The following GRID1 variants were observed in gnomAD, a reference collection of about 807,000 sequenced individuals.
GRID1 encodes the protein glutamate ionotropic receptor delta type subunit 1.
A neutral mutation model predicts 98.0 loss-of-function variants in GRID1; 28 were observed. That is an observed-to-expected ratio of 0.29 (90% confidence interval 0.21 to 0.39). The LOEUF (loss-of-function observed/expected upper bound fraction) is 0.39, where lower values mean the gene tolerates loss of function less well. Ranked by LOEUF, GRID1 falls within the 10% of genes least tolerant of loss-of-function variation. The pLI is 1.00. For synonymous variants in GRID1, 553 were observed against 538.5 expected (o/e 1.03, Z -0.37); for missense variants, 1,111 against 1,340.5 (o/e 0.83, Z 2.67).
chr10:85,619,190 C>G (rs1842828486), intron 14 of GRID1, among the ~76,000 whole-genome samples: 1 of 152,220 alleles, frequency 6.6e-6, no homozygotes, highest in Non-Finnish European at 1.5e-5. Flanking sequence ...TGCAGGCTGA[C>G]TACTGGACAA....
intron 2 of GRID1, among the ~76,000 whole-genome samples, chr10:86,315,062 G>A (rs533455796): frequency 1.1e-4 from 17 of 152,136 alleles, no homozygotes; most frequent in Non-Finnish European, 2.5e-4. Context: ...GTTCAGAGCC[G>A]CCCTGCTTCC....
At chr10:85,705,544 T>C (rs1841506165) in intron 12 of GRID1, among the ~76,000 whole-genome samples, 1 of 152,218 alleles carries the variant, frequency 6.6e-6, no homozygotes, top group African/African-American at 2.4e-5. Context: ...GAGGAGCTGG[T>C]ACCATTCCTT....
intron 2 of GRID1, among the ~76,000 whole-genome samples, chr10:86,241,946 A>C (rs529813306): frequency 2.0e-5 from 3 of 152,356 alleles, no homozygotes; most frequent in African/African-American, 7.2e-5. Context: ...GGATGCAAGG[A>C]TCGAGCTTCA....
intron 8 of GRID1, among the ~76,000 whole-genome samples, chr10:85,769,409 G>T (rs987487112): frequency 6.6e-6 from 1 of 152,226 alleles, no homozygotes; most frequent in African/African-American, 2.4e-5. Flanking sequence ...CAGAAGACGG[G>T]TGATTTCTGC....
chr10:86,279,396 C>A (rs1847322490), intron 2 of GRID1, among the ~76,000 whole-genome samples: 1 of 152,178 alleles, frequency 6.6e-6, no homozygotes, highest in Non-Finnish European at 1.5e-5. Flanking sequence ...TTTAGCAAAT[C>A]AAATCCAACA....
At chr10:86,178,191 A>G (rs1317783727) in intron 3 of GRID1, among the ~76,000 whole-genome samples, 1 of 152,208 alleles carries the variant, frequency 6.6e-6, no homozygotes, top group Non-Finnish European at 1.5e-5. Flanking sequence ...AACTCACCAG[A>G]AACCAGGTCA....
chr10:85,775,876 G>A (rs1368905907), intron 8 of GRID1, among the ~76,000 whole-genome samples: 1 of 152,150 alleles, frequency 6.6e-6, no homozygotes, highest in Non-Finnish European at 1.5e-5. Context: ...CTCTTTGTGG[G>A]TGGGGAGCAG....
chr10:86,162,232 G>A (rs1033483311), intron 3 of GRID1, among the ~76,000 whole-genome samples: 22 of 152,128 alleles, frequency 1.4e-4, no homozygotes, highest in Non-Finnish European at 2.9e-4. Context: ...GGCCCAGGGA[G>A]GAAAAAGGGA....
At chr10:86,065,573 T>C (rs1467246666) in intron 4 of GRID1, among the ~76,000 whole-genome samples, 1 of 152,256 alleles carries the variant, frequency 6.6e-6, no homozygotes, top group African/African-American at 2.4e-5. Context: ...GTGGGATCTT[T>C]TGGGGCAGGA....
At chr10:86,066,991 G>A (rs1843728560) in intron 4 of GRID1, among the ~76,000 whole-genome samples, 1 of 152,184 alleles carries the variant, frequency 6.6e-6, no homozygotes, top group Admixed American at 6.5e-5. Context: ...CTCCAGATAG[G>A]ACTCACCTAT....
intron 1 of GRID1, 115 bp from the exon 2 acceptor site, chr10:86,364,211 A>G (rs1180727448): frequency 1.2e-6 from 1 of 810,284 alleles, no homozygotes; most frequent in Non-Finnish European, 2.0e-6. Flanking sequence ...GGGAAGTCTG[A>G]ACTGGGATTT....
chr10:85,816,481 G>C (rs1842716886), intron 8 of GRID1, among the ~76,000 whole-genome samples: 2 of 152,120 alleles, frequency 1.3e-5, no homozygotes, highest in South Asian at 4.1e-4. Flanking sequence ...AACCTATAGA[G>C]ACAAAAATTT....
chr10:85,915,472 A>G (rs1261605270), intron 5 of GRID1, among the ~76,000 whole-genome samples: 1 of 151,812 alleles, frequency 6.6e-6, no homozygotes. Flanking sequence ...TACATGCACA[A>G]TCACACACAT....
At chr10:85,939,651 C>T (rs1432232706) in intron 4 of GRID1, among the ~76,000 whole-genome samples, 3 of 152,136 alleles carry the variant, frequency 2.0e-5, no homozygotes, top group Non-Finnish European at 4.4e-5. Context: ...TCCATTGCGC[C>T]CACCTGGATA....
chr10:86,092,960 A>G (rs1343395946), intron 4 of GRID1, among the ~76,000 whole-genome samples: 1 of 152,244 alleles, frequency 6.6e-6, no homozygotes, highest in Admixed American at 6.5e-5. Flanking sequence ...AACTTTTTCC[A>G]AGATAGACAA....
chr10:85,667,125 C>T (rs1841027892), intron 12 of GRID1, among the ~76,000 whole-genome samples: 1 of 152,172 alleles, frequency 6.6e-6, no homozygotes, highest in Non-Finnish European at 1.5e-5. Flanking sequence ...GTGAAGACCT[C>T]GCTCTCTGCG....
chr10:85,947,070 A>C (rs2131841489), intron 4 of GRID1, among the ~76,000 whole-genome samples: 1 of 152,322 alleles, frequency 6.6e-6, no homozygotes, highest in East Asian at 1.9e-4. Flanking sequence ...CCGCACCATT[A>C]TTCTCACTGC....
intron 2 of GRID1, among the ~76,000 whole-genome samples, chr10:86,330,376 G>A (rs7919228): frequency 0.041 from 6,304 of 152,230 alleles, 357 homozygotes; most frequent in African/African-American, 0.13. Flanking sequence ...AAGTTTGGAC[G>A]CTGGGTCCAG....
intron 4 of GRID1, among the ~76,000 whole-genome samples, chr10:86,109,940 A>T (rs926339071): frequency 1.3e-5 from 2 of 151,650 alleles, no homozygotes; most frequent in Middle Eastern, 6.8e-3. Context: ...AGCACAAAGT[A>T]AGCATTCAAT....
Sources: gnomAD v4.1 joint callset for allele counts (sites outside exome capture counted in the v4.1 genomes callset) on GRCh38, gnomAD v4.1.1 for gene constraint, MANE v1.5 for transcripts, NCBI Gene and HGNC (gene_info 2026-07-23, HGNC 2026-07-21) for gene names.